The following NKAIN3 variants were observed in gnomAD, a reference collection of about 807,000 sequenced individuals.
NKAIN3 encodes sodium/potassium transporting ATPase interacting 3.
Under a neutral mutation model 30.2 loss-of-function variants are expected in NKAIN3, and 25 were observed. The observed-to-expected ratio is 0.83, with a 90% CI of 0.60 to 1.16. The LOEUF (loss-of-function observed/expected upper bound fraction) is 1.16. Ranked by LOEUF, NKAIN3 falls within the 50% of genes most tolerant of loss-of-function variation. The probability of loss-of-function intolerance (pLI) is 0.00; values close to 1 mark genes in which losing one functional copy is unlikely to be tolerated. For missense variants in NKAIN3, 225 were observed against 254.1 expected (o/e 0.89, Z 0.78); for synonymous variants, 91 against 89.6 (o/e 1.02, Z -0.09).
At chr8:62,728,522 G>T (rs1304668252) in intron 3 of NKAIN3, among the ~76,000 whole-genome samples, 5 of 52,310 alleles carry the variant, frequency 9.6e-5, no homozygotes, top group Non-Finnish European at 3.1e-4. Context: ...AATTAGCTGG[G>T]CATGGGTGGC....
At chr8:62,847,274 C>T (rs1819719337) in intron 4 of NKAIN3, among the ~76,000 whole-genome samples, 1 of 152,104 alleles carries the variant, frequency 6.6e-6, no homozygotes, top group African/African-American at 2.4e-5. Flanking sequence ...CTGTCTTCCA[C>T]AATGGTTGAA....
At chr8:62,920,824 G>A (rs1296488141) in intron 5 of NKAIN3, among the ~76,000 whole-genome samples, 3 of 152,212 alleles carry the variant, frequency 2.0e-5, no homozygotes, top group Non-Finnish European at 2.9e-5. Context: ...TCAAAGCAAA[G>A]TATATATGCC....
intron 1 of NKAIN3, among the ~76,000 whole-genome samples, chr8:62,505,510 T>C (rs922568335): frequency 6.6e-6 from 1 of 152,164 alleles, no homozygotes; most frequent in East Asian, 1.9e-4. Flanking sequence ...ATAATAAATA[T>C]AGAAGCATGG....
intron 1 of NKAIN3, among the ~76,000 whole-genome samples, chr8:62,309,424 A>T: frequency 6.6e-6 from 1 of 150,758 alleles, no homozygotes; most frequent in East Asian, 1.9e-4. Context: ...AAGACTAGAA[A>T]GCAAGGAGCT....
At chr8:62,264,506 C>T (rs537027386) in intron 1 of NKAIN3, among the ~76,000 whole-genome samples, 171 of 152,290 alleles carry the variant, frequency 1.1e-3, no homozygotes, top group Admixed American at 1.8e-3. Flanking sequence ...CCTTATTACT[C>T]CTTCCCCACT....
intron 2 of NKAIN3, among the ~76,000 whole-genome samples, chr8:62,587,764 A>T (rs1810524604): frequency 6.6e-6 from 1 of 152,034 alleles, no homozygotes; most frequent in African/African-American, 2.4e-5. Flanking sequence ...CCAGGATAAT[A>T]ACCCTTTTAT....
At chr8:62,566,264 A>G (rs1162298877) in intron 1 of NKAIN3, among the ~76,000 whole-genome samples, 1 of 152,084 alleles carries the variant, frequency 6.6e-6, no homozygotes, top group Non-Finnish European at 1.5e-5. Context: ...GAGGTTAAAC[A>G]CCTTTATTCT....
At chr8:62,506,649 A>G (rs1292100503) in intron 1 of NKAIN3, among the ~76,000 whole-genome samples, 1 of 150,950 alleles carries the variant, frequency 6.6e-6, no homozygotes, top group Non-Finnish European at 1.5e-5. Flanking sequence ...TGAGTTTTGT[A>G]TTTTTAGTAG....
chr8:62,632,215 A>C (rs2130268701), intron 3 of NKAIN3, among the ~76,000 whole-genome samples: 1 of 152,276 alleles, frequency 6.6e-6, no homozygotes, highest in African/African-American at 2.4e-5. Context: ...GTAGATTCCC[A>C]CATCTATCTC....
At chr8:62,523,891 A>T (rs1079159) in intron 1 of NKAIN3, among the ~76,000 whole-genome samples, 5,879 of 152,202 alleles carry the variant, frequency 0.039, 393 homozygotes, top group African/African-American at 0.13. Flanking sequence ...CACTACCTGC[A>T]GCCAGGTTCT....
intron 1 of NKAIN3, among the ~76,000 whole-genome samples, chr8:62,346,675 A>G (rs913179320): frequency 1.3e-5 from 2 of 152,076 alleles, no homozygotes; most frequent in African/African-American, 4.8e-5. Context: ...TTCAGACATC[A>G]TGGGAGTTGT....
intron 1 of NKAIN3, among the ~76,000 whole-genome samples, chr8:62,562,953 G>C (rs1809634664): frequency 6.6e-6 from 1 of 151,994 alleles, no homozygotes; most frequent in Admixed American, 6.6e-5. Flanking sequence ...CTCATGCTGG[G>C]TTGCCATTTA....
intron 4 of NKAIN3, among the ~76,000 whole-genome samples, chr8:62,912,946 C>T (rs1403201575): frequency 1.3e-5 from 2 of 152,088 alleles, no homozygotes; most frequent in East Asian, 3.9e-4. Context: ...GATCCAAACA[C>T]ACACATTAGC....
rs1056430054 is a variant in NKAIN3, at chr8:62,284,417, G to A, written c.54+35290G>A. Among the ~76,000 whole-genome samples, 16 of 151,964 alleles carry A rather than the reference G, an allele frequency of 1.1e-4. No individual in the cohort carries two copies. The East Asian group carries it at 2.7e-3, about 26-fold the overall frequency. On this transcript the variant is annotated intron_variant, in intron 1 of 6. Transcript: ENST00000623646. ...GGTCGAGGGCAGATCACCTGAGGTC[G>A]GGAGTTTGAGATCAGCCTGACTAAC... is the stretch of plus-strand genomic sequence containing the variant.
chr8:62,302,591 T>C (rs566873790), intron 1 of NKAIN3, among the ~76,000 whole-genome samples: 12 of 152,164 alleles, frequency 7.9e-5, no homozygotes, highest in East Asian at 5.8e-4. Flanking sequence ...AATATACTTG[T>C]TGGATTCTTG....
At position 62,524,225 on chromosome 8, in the gene NKAIN3, A is replaced by AATAT. The variant is rs5891861; in HGVS notation, c.55-55299_55-55296dup. ...CCAGGCTAAGTCCACCCCCCACCAA[A>AATAT]ATATATATATATATATATTAGCAAA... On this transcript the variant is annotated intron_variant, in intron 1 of 6. Transcript: ENST00000623646. Among the ~76,000 whole-genome samples the AATAT allele has an allele frequency of 9.7e-4, 144 of 148,346 alleles. No individual in the cohort carries two copies. The South Asian group carries it at 0.013, about 13-fold the overall frequency.
intron 1 of NKAIN3, among the ~76,000 whole-genome samples, chr8:62,250,327 A>C (rs556912426): frequency 6.6e-6 from 1 of 152,320 alleles, no homozygotes; most frequent in African/African-American, 2.4e-5. Context: ...TAATGCATGC[A>C]TAATTTATGT....
intron 4 of NKAIN3, among the ~76,000 whole-genome samples, chr8:62,870,257 T>TATATAGATATATATAG (rs1563603976): frequency 1.2e-5 from 1 of 85,006 alleles, no homozygotes; most frequent in African/African-American, 5.5e-5. Context: ...TATCTATATA[T>TATATAGATATATATAG]ATATCTATAT....
intron 1 of NKAIN3, among the ~76,000 whole-genome samples, chr8:62,357,728 C>T (rs1000505937): frequency 5.3e-5 from 8 of 152,124 alleles, no homozygotes; most frequent in Non-Finnish European, 8.8e-5. Flanking sequence ...TGCCTTTGAC[C>T]TCTCCTGAGC....
Sources: allele counts gnomAD v4.1 joint callset (sites outside exome capture counted in the v4.1 genomes callset), GRCh38; gene constraint gnomAD v4.1.1; transcripts MANE v1.5; gene names NCBI Gene and HGNC (gene_info 2026-07-23, HGNC 2026-07-21).